Variants in HECW1 observed in about 807,000 individuals in gnomAD.
HECW1 encodes the protein E3 ubiquitin-protein ligase HECW1.
HECW1 carries 61 observed loss-of-function variants against 182.3 expected under a neutral mutation model. The ratio of observed to expected loss-of-function variants is 0.33; its 90% CI spans 0.27 to 0.41. The LOEUF (loss-of-function observed/expected upper bound fraction) is 0.41, where lower values mean the gene tolerates loss of function less well. Among genes scored for constraint, HECW1 ranks in the 10% least tolerant of loss-of-function variants. The pLI is 1.00. For missense variants in HECW1, 1,739 were observed against 2,108.9 expected (o/e 0.82, Z 3.44); for synonymous variants, 859 against 832.6 (o/e 1.03, Z -0.55).
intron 16 of HECW1, 36 bp downstream of exon 16, chr7:43,469,141 AG>A (rs1217269485): frequency 1.3e-5 from 20 of 1,598,528 alleles, no homozygotes; most frequent in Non-Finnish European, 1.6e-5. Context: ...TTCATCAAAC[AG>A]GCTCCTTCCC....
chr7:43,216,731 T>C (rs1796479301), intron 2 of HECW1, among the ~76,000 whole-genome samples: 1 of 152,090 alleles, frequency 6.6e-6, no homozygotes, highest in Non-Finnish European at 1.5e-5. Flanking sequence ...CTCAGCTCAC[T>C]GCAACCTCTG....
At chr7:43,169,154 G>T (rs1433728706) in intron 2 of HECW1, among the ~76,000 whole-genome samples, 1 of 152,144 alleles carries the variant, frequency 6.6e-6, no homozygotes, top group East Asian at 1.9e-4. Flanking sequence ...GCTATTCATT[G>T]CTACTCCCAT....
At chr7:43,226,039 C>A (rs1222185296) in intron 2 of HECW1, among the ~76,000 whole-genome samples, 4 of 152,136 alleles carry the variant, frequency 2.6e-5, no homozygotes, top group Admixed American at 2.0e-4. Context: ...TCCCAAAGTA[C>A]TGGGATTATA....
At chr7:43,162,603 G>T (rs1043054796) in intron 2 of HECW1, among the ~76,000 whole-genome samples, 4 of 152,208 alleles carry the variant, frequency 2.6e-5, no homozygotes, top group African/African-American at 9.7e-5. Flanking sequence ...ATTCACAGTT[G>T]CCAGGCATTA....
intron 2 of HECW1, among the ~76,000 whole-genome samples, chr7:43,146,698 A>G (rs1338675015): frequency 2.0e-5 from 3 of 152,156 alleles, no homozygotes; most frequent in South Asian, 2.1e-4. Flanking sequence ...AAGGGGAGAA[A>G]TAGAGGATGT....
chr7:43,179,328 G>A (rs1792567939), intron 2 of HECW1, among the ~76,000 whole-genome samples: 1 of 152,178 alleles, frequency 6.6e-6, no homozygotes, highest in African/African-American at 2.4e-5. Context: ...AATATTAATA[G>A]AAGCCCCTTA....
intron 2 of HECW1, among the ~76,000 whole-genome samples, chr7:43,201,855 T>C (rs970388929): frequency 1.3e-5 from 2 of 152,070 alleles, no homozygotes; most frequent in Non-Finnish European, 2.9e-5. Flanking sequence ...AAAAGAAAAA[T>C]GCCTAAATGT....
chr7:43,325,878 C>T (rs1810706494), intron 5 of HECW1, among the ~76,000 whole-genome samples: 1 of 152,208 alleles, frequency 6.6e-6, no homozygotes, highest in Non-Finnish European at 1.5e-5. Context: ...TCCCTGCACC[C>T]ATCAGAAGAA....
intron 24 of HECW1, among the ~76,000 whole-genome samples, chr7:43,516,587 TAA>T (rs752353024): frequency 1.3e-5 from 2 of 152,180 alleles, no homozygotes; most frequent in African/African-American, 2.4e-5. Flanking sequence ...TGAGATGCCC[TAA>T]AAGTCTGAAC....
At position 43,563,878 on chromosome 7, in the gene HECW1, T is replaced by A. The variant is rs1031056203; in HGVS notation, c.*1952T>A. The A allele has an allele frequency of 5.6e-6, 1 of 180,028 alleles. No homozygotes were observed. The allele number at this position is 180,028 out of a possible 1,614,324, so 11.2% of individuals were successfully genotyped here. A position where few individuals can be genotyped will look rare whatever the true frequency, so the allele number is the denominator to read the frequency against. ...AGGGAGACACCATCTAAAAAAAAAATAAATAAAAATAAAAGCATTTTTTTA... is the reference window on the plus strand; with the variant it reads ...AGGGAGACACCATCTAAAAAAAAAAAAAATAAAAATAAAAGCATTTTTTTA... On this transcript the variant is annotated 3_prime_UTR_variant, in exon 30 of 30. Coordinates refer to ENST00000395891, the MANE Select transcript of HECW1 (RefSeq NM_015052.5).
chr7:43,177,289 T>C (rs1349826900), intron 2 of HECW1, among the ~76,000 whole-genome samples: 1 of 152,168 alleles, frequency 6.6e-6, no homozygotes, highest in Non-Finnish European at 1.5e-5. Flanking sequence ...CCCAGCACTC[T>C]TCTCTCTGAT....
In HECW1 at chr7:43,359,083, C is replaced by T. The variant is rs371795853; in HGVS notation, c.461-1803C>T. ...ACAAATGATCCACCCACCTCGGCCTCCCAAAGTGTTGGGATTACAGGCGTG... is the reference window on the plus strand; with the variant it reads ...ACAAATGATCCACCCACCTCGGCCTTCCAAAGTGTTGGGATTACAGGCGTG... On this transcript the variant is annotated intron_variant, in intron 5 of 29. Transcript: ENST00000395891. Among the ~76,000 whole-genome samples the T allele has an allele frequency of 2.3e-4, 35 of 152,310 alleles. No individual in the cohort carries two copies. In the East Asian group the frequency reaches 4.4e-3, roughly 19 times the overall value.
chr7:43,152,367 A>G (rs1789427026), intron 2 of HECW1, among the ~76,000 whole-genome samples: 1 of 152,236 alleles, frequency 6.6e-6, no homozygotes, highest in African/African-American at 2.4e-5. Flanking sequence ...TGGGAATACA[A>G]CTGTGAACAA....
intron 5 of HECW1, among the ~76,000 whole-genome samples, chr7:43,332,938 C>T (rs936793175): frequency 9.2e-5 from 14 of 152,036 alleles, no homozygotes; most frequent in African/African-American, 3.1e-4. Flanking sequence ...TCAACCGGTC[C>T]CATAGTCACA....
chr7:43,205,733 A>G (rs2152691994), intron 2 of HECW1, among the ~76,000 whole-genome samples: 1 of 152,300 alleles, frequency 6.6e-6, no homozygotes, highest in African/African-American at 2.4e-5. Flanking sequence ...GGTTCTCCTC[A>G]GTTTCATCAT....
intron 2 of HECW1, among the ~76,000 whole-genome samples, chr7:43,182,952 G>A (rs1435049678): frequency 3.9e-5 from 6 of 152,060 alleles, no homozygotes; most frequent in East Asian, 1.9e-4. Flanking sequence ...ATTTTAAATG[G>A]TATTGTTTTC....
rs376661071 is a variant in HECW1 at position 43,456,394 on chromosome 7, G to A, written c.2598G>A (p.Pro866=). The A allele has an allele frequency of 6.9e-5, 111 of 1,614,052 alleles. No homozygotes were observed. Among genetic ancestry groups the A allele is most frequent in the Middle Eastern group, 1.6e-4 (1 of 6,062 alleles). Residue 866 remains proline, a synonymous_variant, in exon 13 of 30, where the codon CCG becomes CCA. Transcript: ENST00000395891. ...TWQRPTAAAT[P]DGMRRSGSIQ... ...AGCGTCCGACGGCAGCAGCCACCCC[G>A]GATGGCATGCGGAGATCGGGGTCCA...
intron 8 of HECW1, among the ~76,000 whole-genome samples, chr7:43,423,181 G>C (rs745883368): frequency 6.6e-6 from 1 of 152,200 alleles, no homozygotes; most frequent in Non-Finnish European, 1.5e-5. Context: ...CGCAGAGCTG[G>C]TACTGGTGGT....
intron 3 of HECW1, among the ~76,000 whole-genome samples, chr7:43,265,002 G>A (rs1801621490): frequency 2.0e-5 from 3 of 152,240 alleles, no homozygotes; most frequent in South Asian, 2.1e-4. Context: ...TAATATGGAT[G>A]CAAAAGTATA....
Sources: allele counts gnomAD v4.1 joint callset (sites outside exome capture counted in the v4.1 genomes callset), GRCh38; gene constraint gnomAD v4.1.1; transcripts MANE v1.5; gene names NCBI Gene and HGNC (gene_info 2026-07-23, HGNC 2026-07-21).